The following ZDHHC13 variants were observed in gnomAD, a reference collection of about 807,000 sequenced individuals.
ZDHHC13 encodes the protein palmitoyltransferase ZDHHC13.
A neutral mutation model predicts 86.0 loss-of-function variants in ZDHHC13; 85 were observed. The ratio of observed to expected loss-of-function variants is 0.99; its 90% confidence interval spans 0.83 to 1.18. The LOEUF is 1.18. ZDHHC13 is among the 50% of genes most tolerant of loss of function. The pLI is 0.00. For missense variants in ZDHHC13, 711 were observed against 730.2 expected, an observed-to-expected ratio of 0.97 and a Z score of 0.30; for synonymous variants, 263 against 246.4, an observed-to-expected ratio of 1.07 and a Z score of -0.63.
rs184069111 is a variant in ZDHHC13 at position 19,175,347 on chromosome 11, G to A, written c.1731-475G>A. Among the ~76,000 whole-genome samples, 552 of 122,484 alleles carry A rather than the reference G, an allele frequency of 4.5e-3. 2 individuals carry two copies. The highest frequency in any genetic ancestry group is 0.016 in the African/African-American group (514 of 32,638). The allele number at this position is 122,484 out of a possible 152,430, so 80.4% of individuals were successfully genotyped here. ...AGAGCTTGCAGTGAGCCGAGATCAC[G>A]CCACTGCACTCCAGCCTGGGTGACA... On this transcript the variant is annotated intron_variant, in intron 16 of 16. Coordinates refer to ENST00000446113, the MANE Select transcript of ZDHHC13 (RefSeq NM_019028.3).
chr11:19,138,568 C>A (rs1849215391), intron 1 of ZDHHC13, among the ~76,000 whole-genome samples: 2 of 151,874 alleles, frequency 1.3e-5, no homozygotes, highest in South Asian at 4.2e-4. Context: ...TTTTGTGAGG[C>A]CAGCATCATC....
At chr11:19,162,861 G>A (rs1386291519) in intron 10 of ZDHHC13, among the ~76,000 whole-genome samples, 11 of 152,090 alleles carry the variant, frequency 7.2e-5, no homozygotes, top group Non-Finnish European at 1.5e-5. Context: ...ACCTTTAATA[G>A]TGTCTTTCTG....
intron 9 of ZDHHC13, among the ~76,000 whole-genome samples, chr11:19,157,038 C>A (rs575539059): frequency 4.6e-5 from 7 of 152,340 alleles, no homozygotes; most frequent in African/African-American, 1.4e-4. Context: ...TCATTCCCAC[C>A]TGGGGCCTTG....
chr11:19,173,703 C>T (rs1049234821), intron 16 of ZDHHC13, among the ~76,000 whole-genome samples: 3 of 152,174 alleles, frequency 2.0e-5, no homozygotes, highest in East Asian at 1.9e-4. Flanking sequence ...ATGATTGTTT[C>T]ACATTGACAG....
intron 1 of ZDHHC13, among the ~76,000 whole-genome samples, chr11:19,135,525 G>T (rs1054449927): frequency 6.6e-6 from 1 of 152,228 alleles, no homozygotes; most frequent in South Asian, 2.1e-4. Flanking sequence ...CAGGCTTGCT[G>T]AGGTAAACAA....
chr11:19,147,549 A>G (rs994158826), intron 3 of ZDHHC13, 47 bp from the exon 4 acceptor site: 1 of 1,484,594 alleles, frequency 6.7e-7, no homozygotes, highest in Non-Finnish European at 9.2e-7. Context: ...TCTCAATATG[A>G]AGCTTAAGTT....
intron 8 of ZDHHC13, 40 bp from the exon 9 acceptor site, chr11:19,155,756 T>C (rs748184829): frequency 6.3e-7 from 1 of 1,599,512 alleles, no homozygotes; most frequent in South Asian, 1.1e-5. Context: ...ACTTAAGAGG[T>C]AAAATCCATA....
intron 11 of ZDHHC13, 32 bp from the exon 12 acceptor site, chr11:19,164,269 T>A (rs1849993375): frequency 6.2e-7 from 1 of 1,608,504 alleles, no homozygotes; most frequent in African/African-American, 1.3e-5. Flanking sequence ...TCCAATAAAA[T>A]GTGGTAATAG....
In ZDHHC13 at chr11:19,175,794, C is replaced by T. The variant is rs772392989; in HGVS notation, c.1731-28C>T. 1.9e-6 allele frequency: 3 copies of T among 1,604,848 alleles called. No individual in the cohort carries two copies. In the Admixed American group the frequency reaches 5.1e-5, roughly 27 times the overall value. On this transcript the variant is annotated intron_variant, in intron 16 of 16. Coordinates refer to ENST00000446113, the MANE Select transcript of ZDHHC13 (RefSeq NM_019028.3). ...AAGCTACACAGGAAATATAGTAAGA[C>T]ATGTTCTCTTTTTTTTTTTCTTGGC... is the stretch of plus-strand genomic sequence containing the variant.
At chr11:19,155,155 C>T (rs187512551) in intron 8 of ZDHHC13, among the ~76,000 whole-genome samples, 73 of 152,228 alleles carry the variant, frequency 4.8e-4, no homozygotes, top group African/African-American at 1.8e-3. Flanking sequence ...TATGTAGTCC[C>T]TTGAGCTTGC....
chr11:19,120,382 C>G (rs777567982), intron 1 of ZDHHC13, among the ~76,000 whole-genome samples: 2 of 152,192 alleles, frequency 1.3e-5, no homozygotes, highest in African/African-American at 2.4e-5. Flanking sequence ...GTAGAGACAC[C>G]TACACGTGAC....
rs938836405 is a variant in ZDHHC13, at chr11:19,154,653, T to C, written c.874-1143T>C. Among the ~76,000 whole-genome samples, 11 of 152,160 alleles carry C rather than the reference T, an allele frequency of 7.2e-5. No homozygotes were observed. The East Asian group carries it at 1.2e-3, about 16-fold the overall frequency. On this transcript the variant is annotated intron_variant, in intron 8 of 16. Transcript: ENST00000446113. ...TTAACTTTGCCAAAATAAACCTGAA[T>C]TAGTAGCATCATGAGGACATATTTC...
Position 19,170,474 on chromosome 11 carries a change from T to C in ZDHHC13, c.1538T>C (p.Ile513Thr), listed in dbSNP as rs778057642. The change falls in exon 15 of 17, where the codon ATT becomes ACT. Residue 513 changes from isoleucine (I) to threonine (T), a missense_variant. By Grantham distance (89) the Ile-to-Thr change is moderately conservative. Coordinates refer to ENST00000446113, the MANE Select transcript of ZDHHC13 (RefSeq NM_019028.3). ...GGATTATGGACTTACCTCAATCAGA[T>C]TGTGGCCTGTTCCCCTTGGGTTTTA... ...EDGLWTYLNQ[I>T]VACSPWVLYI... 45 of 1,541,236 alleles carry C rather than the reference T, an allele frequency of 2.9e-5. No homozygotes were observed. Among genetic ancestry groups the C allele is most frequent in the African/African-American group, 8.4e-5 (6 of 71,692 alleles).
intron 1 of ZDHHC13, among the ~76,000 whole-genome samples, chr11:19,138,425 C>A (rs1407730276): frequency 6.7e-6 from 1 of 149,898 alleles, no homozygotes; most frequent in Non-Finnish European, 1.5e-5. Context: ...TAATCAATAG[C>A]TTACCAACCA....
intron 1 of ZDHHC13, among the ~76,000 whole-genome samples, chr11:19,138,397 G>C (rs1481277719): frequency 7.3e-5 from 11 of 150,966 alleles, no homozygotes; most frequent in African/African-American, 2.7e-4. Flanking sequence ...CCAATAACAG[G>C]AGCTGAAATT....
chr11:19,143,920 C>T (rs1849390082), intron 2 of ZDHHC13, among the ~76,000 whole-genome samples: 1 of 152,250 alleles, frequency 6.6e-6, no homozygotes, highest in African/African-American at 2.4e-5. Context: ...AGCAGATTGC[C>T]CATCAAATAA....
At chr11:19,133,942 T>TATACATACAC in intron 1 of ZDHHC13, among the ~76,000 whole-genome samples, 4 of 96,082 alleles carry the variant, frequency 4.2e-5, no homozygotes, top group Non-Finnish European at 9.2e-5. Context: ...TATATATATA[T>TATACATACAC]ACACGTATGT....
Position 19,170,216 on chromosome 11 carries a change from A to G in ZDHHC13, c.1475-195A>G, listed in dbSNP as rs867480446. 9.3e-6 allele frequency: 13 copies of G among 1,401,450 alleles called. No individual in the cohort carries two copies. In the East Asian group the frequency reaches 1.9e-4, roughly 21 times the overall value. 86.8% of individuals were successfully genotyped at this position (1,401,450 alleles called of 1,614,324 possible). A position where few individuals can be genotyped will look rare whatever the true frequency, so the allele number is the denominator to read the frequency against. ...CTTATACAGTGTTATCATAGCCTCA[A>G]TTAACATTGAGCCACCATTTTGTCA... On this transcript the variant is annotated intron_variant, in intron 14 of 16. Transcript: ENST00000446113.
At chr11:19,172,971 A>G (rs557187195) in intron 16 of ZDHHC13, among the ~76,000 whole-genome samples, 151 bp downstream of exon 16, 28 of 152,202 alleles carry the variant, frequency 1.8e-4, no homozygotes, top group African/African-American at 6.7e-4. Context: ...AGCTTTAGTG[A>G]TGGGGTGAGT....
Sources: allele counts gnomAD v4.1 joint callset (sites outside exome capture counted in the v4.1 genomes callset), GRCh38; gene constraint gnomAD v4.1.1; transcripts MANE v1.5; gene names NCBI Gene and HGNC (gene_info 2026-07-23, HGNC 2026-07-21).